TTLL11: variants seen among roughly 807,000 people sequenced by gnomAD.
TTLL11 encodes the protein tubulin tyrosine ligase like 11.
Under a neutral mutation model 51.7 loss-of-function variants are expected in TTLL11, and 42 were observed. The observed-to-expected ratio is 0.81, with a 90% CI of 0.64 to 1.05. TTLL11 has a LOEUF of 1.05. TTLL11 is among the 50% of genes least tolerant of loss of function. The probability of loss-of-function intolerance (pLI) is 0.00; values close to 1 mark genes in which losing one functional copy is unlikely to be tolerated. For synonymous variants in TTLL11, 381 were observed against 383.5 expected (o/e 0.99, Z 0.08); for missense variants, 799 against 940.4 (o/e 0.85, Z 1.97).
rs1836507253 is a variant in TTLL11, at chr9:121,819,461, C to CA, written c.*3125dup. On this transcript the variant is annotated 3_prime_UTR_variant, in exon 9 of 9. Coordinates refer to ENST00000321582, the MANE Select transcript of TTLL11 (RefSeq NM_001139442.2). ...TTGTCATACTTGGATGTGAACCCCC[C>CA]AAACTGAGCACAGGCTGAGCTTGAT... 1 of 152,638 alleles carries CA rather than the reference C, an allele frequency of 6.6e-6. No individual in the cohort carries two copies. The highest frequency in any genetic ancestry group is 2.4e-5 in the African/African-American group (1 of 41,466). 9.5% of individuals were successfully genotyped at this position (152,638 alleles called of 1,614,324 possible). A position where few individuals can be genotyped will look rare whatever the true frequency, so the allele number is the denominator to read the frequency against.
At chr9:122,063,992 C>T (rs940315232) in intron 1 of TTLL11, among the ~76,000 whole-genome samples, 1 of 152,182 alleles carries the variant, frequency 6.6e-6, no homozygotes, top group Non-Finnish European at 1.5e-5. Flanking sequence ...ATTTAGTTCA[C>T]TTAATATCAG....
At chr9:122,001,555 T>G (rs1019781576) in intron 3 of TTLL11, among the ~76,000 whole-genome samples, 4 of 151,224 alleles carry the variant, frequency 2.6e-5, no homozygotes, top group African/African-American at 9.8e-5. Context: ...CTAAGCCTAC[T>G]TCAGGGGTCA....
intron 3 of TTLL11, among the ~76,000 whole-genome samples, chr9:122,003,516 G>A (rs1352480660): frequency 1.0e-4 from 13 of 127,276 alleles, no homozygotes; most frequent in African/African-American, 3.1e-4. Flanking sequence ...ATGGAGTCTC[G>A]CATTGTCGCC....
chr9:122,087,908 C>T (rs916014994), intron 1 of TTLL11, among the ~76,000 whole-genome samples: 4 of 152,252 alleles, frequency 2.6e-5, no homozygotes, highest in South Asian at 2.1e-4. Context: ...GAGAGTAACT[C>T]CAGTCTTGTC....
At chr9:121,866,544 C>T (rs1838179874) in intron 7 of TTLL11, among the ~76,000 whole-genome samples, 1 of 151,460 alleles carries the variant, frequency 6.6e-6, no homozygotes, top group Admixed American at 6.6e-5. Flanking sequence ...CCTGTAGTCC[C>T]AGCTACTCAG....
chr9:121,935,484 G>A (rs1841168921), intron 6 of TTLL11, among the ~76,000 whole-genome samples: 1 of 152,174 alleles, frequency 6.6e-6, no homozygotes, highest in African/African-American at 2.4e-5. Flanking sequence ...GGCCTTGTCA[G>A]GCATTTAAAA....
intron 6 of TTLL11, among the ~76,000 whole-genome samples, chr9:121,917,512 A>AAG (rs1193714250): frequency 0.021 from 3,168 of 147,596 alleles, 139 homozygotes; most frequent in African/African-American, 0.074. Context: ...AAAGAAGGAG[A>AAG]GAGAGAAAGA....
At chr9:121,927,153 T>C (rs1316047066) in intron 6 of TTLL11, among the ~76,000 whole-genome samples, 2 of 152,180 alleles carry the variant, frequency 1.3e-5, no homozygotes, top group Non-Finnish European at 2.9e-5. Context: ...ATTTGGTTTA[T>C]AGCATAGCGT....
At chr9:122,012,602 G>A (rs1317695949) in intron 3 of TTLL11, among the ~76,000 whole-genome samples, 1 of 151,764 alleles carries the variant, frequency 6.6e-6, no homozygotes, top group African/African-American at 2.4e-5. Context: ...TAAACAATAA[G>A]CTCCTAGTAT....
chr9:122,093,274 C>T lies in TTLL11; in HGVS notation c.-126G>A. 6.4e-7 allele frequency: 1 copy of T among 1,554,374 alleles called. No individual in the cohort carries two copies. Among genetic ancestry groups the T allele is most frequent in the South Asian group, 1.2e-5 (1 of 86,072 alleles). On this transcript the variant is annotated 5_prime_UTR_variant, in exon 1 of 9. The change abolishes an upstream ATG in the 5' untranslated region. Transcript: ENST00000321582. ...CGCGTTCCCCGCCCGAGCCCGTTGC[C>T]ATGATCGCTCAGGCTCGGGTTGACA... is the stretch of plus-strand genomic sequence containing the variant.
At chr9:122,066,993 C>T (rs1845602279) in intron 1 of TTLL11, among the ~76,000 whole-genome samples, 1 of 152,108 alleles carries the variant, frequency 6.6e-6, no homozygotes, top group African/African-American at 2.4e-5. Context: ...AGAAACTTCC[C>T]CCATGATTCA....
rs139231849 is a variant in TTLL11 at position 121,890,209 on chromosome 9, C to T, written c.1482-19461G>A. Among the ~76,000 whole-genome samples the T allele has an allele frequency of 6.5e-3, 989 of 152,300 alleles. 11 individuals carry two copies. The highest frequency in any genetic ancestry group is 0.023 in the African/African-American group (953 of 41,566). The stretch of plus-strand genomic sequence containing the variant: ...CTCAGAGGAGGGATTCCCCATCCAT[C>T]CAGTGTCTGGGCCAGAAACCAGAGA... On this transcript the variant is annotated intron_variant, in intron 6 of 8. Coordinates refer to ENST00000321582, the MANE Select transcript of TTLL11 (RefSeq NM_001139442.2). The surrounding 1 kb of genome is among the most constrained non-coding windows in gnomAD (Gnocchi z 4.3).
intron 6 of TTLL11, among the ~76,000 whole-genome samples, chr9:121,895,381 T>G (rs1839426320): frequency 6.6e-6 from 1 of 151,860 alleles, no homozygotes; most frequent in African/African-American, 2.4e-5. Flanking sequence ...GATGTGCGGT[T>G]GTATGATTGT....
chr9:121,825,968 A>G (rs1836738516), intron 8 of TTLL11, among the ~76,000 whole-genome samples: 1 of 151,298 alleles, frequency 6.6e-6, no homozygotes, highest in Non-Finnish European at 1.5e-5. Context: ...TACAGTAAAC[A>G]TGGATGCAAT....
At position 122,092,728 on chromosome 9, in the gene TTLL11, C is replaced by T; in HGVS notation, c.421G>A (p.Asp141Asn). ...TGGCGGATGCTGATCTTCAGGGCAT[C>T]CAGGGAGGTCCTGGCCTTGGAGCTG... is the stretch of plus-strand genomic sequence containing the variant. The part of the protein sequence containing the change: ...VDSSKARTSL[D>N]ALKISIRQLK... Residue 141 changes from aspartate (D) to asparagine (N), a missense_variant, in exon 1 of 9, where the codon GAT becomes AAT. Physicochemically the swap from Asp to Asn is conservative, Grantham distance 23 (BLOSUM62 1). Transcript: ENST00000321582. 14 of 1,537,896 alleles carry T rather than the reference C, an allele frequency of 9.1e-6. No homozygotes were observed. The highest frequency in any genetic ancestry group is 1.2e-5 in the Non-Finnish European group (14 of 1,147,300).
intron 6 of TTLL11, among the ~76,000 whole-genome samples, chr9:121,956,630 T>G (rs9409246): frequency 0.91 from 139,048 of 152,300 alleles, 63,899 homozygotes; most frequent in Non-Finnish European, 0.97. Flanking sequence ...CCCTAGTAGG[T>G]ATGAAGGGCT....
intron 1 of TTLL11, among the ~76,000 whole-genome samples, chr9:122,082,653 T>C (rs1422909833): frequency 6.6e-6 from 1 of 152,156 alleles, no homozygotes; most frequent in Non-Finnish European, 1.5e-5. Flanking sequence ...AATCTATATA[T>C]ATTAACAGAG....
chr9:121,988,553 C>T (rs1029862455), intron 4 of TTLL11, among the ~76,000 whole-genome samples: 1 of 152,292 alleles, frequency 6.6e-6, no homozygotes, highest in Non-Finnish European at 1.5e-5. Flanking sequence ...CTCCCCTACC[C>T]CTACCCAGTT....
intron 6 of TTLL11, among the ~76,000 whole-genome samples, chr9:121,965,899 C>T (rs906681031): frequency 2.6e-5 from 4 of 152,300 alleles, no homozygotes; most frequent in Admixed American, 6.5e-5. Flanking sequence ...GGCCCAGCCA[C>T]AAAACAGAGT....
Sources: gnomAD v4.1 joint callset for allele counts (sites outside exome capture counted in the v4.1 genomes callset) on GRCh38, gnomAD v4.1.1 for gene constraint, Gnocchi (gnomAD v3.1) non-coding constraint, MANE v1.5 for transcripts, NCBI Gene and HGNC (gene_info 2026-07-23, HGNC 2026-07-21) for gene names.